Variants in TENT4B observed in about 807,000 individuals in gnomAD.
The protein encoded by TENT4B is PAP associated domain containing 5.
In TENT4B, 10 loss-of-function variants were observed where a neutral mutation model predicts 75.0. The ratio of observed to expected loss-of-function variants is 0.13; its 90% CI spans 0.08 to 0.23. The LOEUF (loss-of-function observed/expected upper bound fraction) is 0.23. Among genes scored for constraint, TENT4B ranks in the 10% least tolerant of loss-of-function variants. The pLI is 1.00. For missense variants in TENT4B, 579 were observed against 893.8 expected (o/e 0.65, Z 4.49); for synonymous variants, 350 against 357.7 (o/e 0.98, Z 0.24).
chr16:50,212,713 T>C (rs1023069050), intron 2 of TENT4B, among the ~76,000 whole-genome samples: 1 of 152,174 alleles, frequency 6.6e-6, no homozygotes, highest in African/African-American at 2.4e-5. Flanking sequence ...TAGTGGCTAT[T>C]TTGTTCTCCA....
At chr16:50,211,159 A>T (rs2031256743) in intron 1 of TENT4B, among the ~76,000 whole-genome samples, 164 bp from the exon 2 acceptor site, 2 of 152,140 alleles carry the variant, frequency 1.3e-5, no homozygotes, top group African/African-American at 4.8e-5. Flanking sequence ...GGGTTTTTTG[A>T]TTAAATTCTG....
rs538506970 is a variant in TENT4B, at chr16:50,233,820, C to T, written c.*4492C>T. On this transcript the variant is annotated 3_prime_UTR_variant, in exon 12 of 12. Transcript: ENST00000561678. The stretch of plus-strand genomic sequence containing the variant: ...CAGAGAGATGGATGTAGTGCATTCC[C>T]TTTGGTTATTACACATTTGTGGTAG... 1.3e-5 allele frequency: 13 copies of T among 985,324 alleles called. No individual in the cohort carries two copies. In the East Asian group the frequency reaches 1.4e-3, roughly 103 times the overall value. The allele number at this position is 985,324 out of a possible 1,614,324, so 61.0% of individuals were successfully genotyped here.
chr16:50,203,768 C>T (rs2030792452), intron 1 of TENT4B, among the ~76,000 whole-genome samples: 1 of 152,114 alleles, frequency 6.6e-6, no homozygotes, highest in African/African-American at 2.4e-5. Context: ...GGGTAGATGT[C>T]CCCCTGTGAA....
At chr16:50,205,229 G>T (rs1306378984) in intron 1 of TENT4B, among the ~76,000 whole-genome samples, 1 of 152,160 alleles carries the variant, frequency 6.6e-6, no homozygotes, top group Middle Eastern at 3.4e-3. Context: ...GCTGGTTAGT[G>T]GGTGGAACAT....
chr16:50,163,242 C>T (rs1453416762), intron 1 of TENT4B, among the ~76,000 whole-genome samples: 3 of 152,094 alleles, frequency 2.0e-5, no homozygotes, highest in Non-Finnish European at 4.4e-5. Flanking sequence ...TTTCCAGGAA[C>T]TTGGACTTAA....
intron 3 of TENT4B, among the ~76,000 whole-genome samples, chr16:50,215,384 A>G (rs1056320324): frequency 2.0e-5 from 3 of 152,212 alleles, no homozygotes; most frequent in African/African-American, 7.2e-5. Context: ...AAAGTCATAA[A>G]ATACTCAACT....
At chr16:50,204,092 A>T (rs2030813844) in intron 1 of TENT4B, among the ~76,000 whole-genome samples, 1 of 152,168 alleles carries the variant, frequency 6.6e-6, no homozygotes, top group Non-Finnish European at 1.5e-5. Flanking sequence ...GAGTGAGGCT[A>T]GAAAGGTAGG....
rs946999437 is a variant in TENT4B, at chr16:50,203,224, CTGTA to C, written c.639-8095_639-8092del. Among the ~76,000 whole-genome samples, 6 of 152,188 alleles carry C rather than the reference CTGTA, an allele frequency of 3.9e-5. No individual in the cohort carries two copies. In the South Asian group the frequency reaches 1.0e-3, roughly 26 times the overall value. On this transcript the variant is annotated intron_variant, in intron 1 of 11. Coordinates refer to ENST00000561678, the MANE Select transcript of TENT4B (RefSeq NM_001365324.3). The stretch of plus-strand genomic sequence containing the variant: ...TAAATCTTTATTTCTGTATTTAAAT[CTGTA>C]TGTCATCATCTGTATTTTCTCTCTT...
rs373006529 is a variant in TENT4B at position 50,211,392 on chromosome 16, G to C, written c.708G>C (p.Met236Ile). The C allele has an allele frequency of 1.9e-6, 3 of 1,608,376 alleles. No homozygotes were observed. The highest frequency in any genetic ancestry group is 2.5e-6 in the Non-Finnish European group (3 of 1,178,606). Reference sequence around the variant, plus strand: ...GACCTGAGGAGGAGAAGATGCGGATGGAGGTGGTGAACAGGATCGAGAGTG... The same window carrying C: ...GACCTGAGGAGGAGAAGATGCGGATCGAGGTGGTGAACAGGATCGAGAGTG... ...SPRPEEEKMR[M>I]EVVNRIESVI... is the part of the protein sequence containing the mutation. The change falls in exon 2 of 12, where the codon ATG (methionine) becomes ATC (isoleucine). Residue 236 changes from methionine to isoleucine, a missense_variant. This residue lies in a region of TENT4B where 16 missense variants were observed against 60.1 expected (regional missense o/e 0.27). Transcript: ENST00000561678.
chr16:50,215,003 C>T (rs1240524635), intron 3 of TENT4B, among the ~76,000 whole-genome samples: 1 of 152,202 alleles, frequency 6.6e-6, no homozygotes, highest in Non-Finnish European at 1.5e-5. Flanking sequence ...GTTATGGCTC[C>T]AGCATCCTGA....
At chr16:50,217,939 T>A (rs1234662374) in intron 5 of TENT4B, among the ~76,000 whole-genome samples, 1 of 149,524 alleles carries the variant, frequency 6.7e-6, no homozygotes, top group Non-Finnish European at 1.5e-5. Context: ...CTATTTTTTG[T>A]ATTTTTTTTT....
At chr16:50,192,535 C>T (rs1311999865) in intron 1 of TENT4B, among the ~76,000 whole-genome samples, 2 of 152,074 alleles carry the variant, frequency 1.3e-5, no homozygotes, top group Non-Finnish European at 2.9e-5. Context: ...TAGACTTGAC[C>T]TATCAAGTTA....
chr16:50,216,250 GAATTAA>G lies in TENT4B; in HGVS notation c.930+63_930+68del, dbSNP rs1366786982. ...CCTTAGTTATTTACCTATGAAACTT[GAATTAA>G]AATTAAAGTTTGGTGAGCACAGTTG... On this transcript the variant is annotated intron_variant, in intron 4 of 11. Transcript: ENST00000561678. 1.4e-5 allele frequency: 23 copies of G among 1,592,722 alleles called. No individual in the cohort carries two copies. In the African/African-American group the frequency reaches 2.4e-4, roughly 17 times the overall value.
At chr16:50,183,206 G>A (rs527392951) in intron 1 of TENT4B, among the ~76,000 whole-genome samples, 1 of 151,908 alleles carries the variant, frequency 6.6e-6, no homozygotes, top group East Asian at 1.9e-4. Context: ...ACCACACCCG[G>A]CTAATTTTTC....
intron 1 of TENT4B, among the ~76,000 whole-genome samples, chr16:50,159,941 C>G (rs549876882): frequency 6.6e-6 from 1 of 152,250 alleles, no homozygotes; most frequent in Admixed American, 6.5e-5. Context: ...CTATGCCACC[C>G]AGGCTGGAGT....
chr16:50,228,307 GT>G (rs2032147551), intron 11 of TENT4B, among the ~76,000 whole-genome samples: 1 of 152,158 alleles, frequency 6.6e-6, no homozygotes, highest in Non-Finnish European at 1.5e-5. Flanking sequence ...TGGCATGAAG[GT>G]TTTGTGAGGC....
At chr16:50,220,720 G>A (rs1488613933) in intron 5 of TENT4B, among the ~76,000 whole-genome samples, 2 of 151,678 alleles carry the variant, frequency 1.3e-5, no homozygotes, top group Admixed American at 1.3e-4. Context: ...GTAGAGATGG[G>A]GTTTCTCCAT....
At position 50,153,501 on chromosome 16, in the gene TENT4B, A is replaced by AGCT; in HGVS notation, c.-119_-118insTGC. 1 of 972,996 alleles carries AGCT rather than the reference A, an allele frequency of 1.0e-6. No homozygotes were observed. Among genetic ancestry groups the AGCT allele is most frequent in the Non-Finnish European group, 1.2e-6 (1 of 822,140 alleles). 60.3% of individuals were successfully genotyped at this position (972,996 alleles called of 1,614,324 possible). A position where few individuals can be genotyped will look rare whatever the true frequency, so the allele number is the denominator to read the frequency against. Reference sequence around the variant, plus strand: ...GCGGCGGGCCCCGAGCAGCAGCAGCAGCAGCAGCGGCAGCAGCGGCAGCAG... The same window carrying AGCT: ...GCGGCGGGCCCCGAGCAGCAGCAGCAGCTGCAGCAGCGGCAGCAGCGGCAGCAG... On this transcript the variant is annotated 5_prime_UTR_variant, in exon 1 of 12. Transcript: ENST00000561678.
At chr16:50,198,868 T>A (rs1328867391) in intron 1 of TENT4B, among the ~76,000 whole-genome samples, 1 of 152,236 alleles carries the variant, frequency 6.6e-6, no homozygotes, top group Non-Finnish European at 1.5e-5. Flanking sequence ...TAAGACCTGA[T>A]CCAGCTATCC....
Sources: allele counts gnomAD v4.1 joint callset (sites outside exome capture counted in the v4.1 genomes callset), GRCh38; gene constraint gnomAD v4.1.1; regional missense constraint gnomAD v4.1.1; transcripts MANE v1.5; gene names NCBI Gene and HGNC (gene_info 2026-07-23, HGNC 2026-07-21).